LDLRAD4: variants seen among roughly 807,000 people sequenced by gnomAD.
LDLRAD4 encodes low density lipoprotein receptor class A domain containing 4.
LDLRAD4 carries 5 observed loss-of-function variants against 17.0 expected under a neutral mutation model. The ratio of observed to expected loss-of-function variants is 0.29; its 90% CI spans 0.15 to 0.62. LDLRAD4 has a LOEUF of 0.62. Among genes scored for constraint, LDLRAD4 ranks in the 20% least tolerant of loss-of-function variants. LDLRAD4 has a pLI of 0.84. For missense variants in LDLRAD4, 340 were observed against 424.7 expected (o/e 0.80, Z 1.75); for synonymous variants, 168 against 171.8 (o/e 0.98, Z 0.17).
At chr18:13,312,896 T>TA (rs762683274) in intron 1 of LDLRAD4, among the ~76,000 whole-genome samples, 2 of 152,180 alleles carry the variant, frequency 1.3e-5, no homozygotes, top group Non-Finnish European at 2.9e-5. Context: ...TCAGTTGCAT[T>TA]ATATGTTCTC....
At chr18:13,345,369 T>C (rs1421697463) in intron 1 of LDLRAD4, among the ~76,000 whole-genome samples, 1 of 152,220 alleles carries the variant, frequency 6.6e-6, no homozygotes, top group Non-Finnish European at 1.5e-5. Flanking sequence ...GTTCTGTTTA[T>C]ATGCTGGATT....
At chr18:13,503,281 C>G (rs1256444083) in intron 3 of LDLRAD4, among the ~76,000 whole-genome samples, 1 of 152,212 alleles carries the variant, frequency 6.6e-6, no homozygotes, top group Non-Finnish European at 1.5e-5. Context: ...GCAGCACTTT[C>G]TGCTTCAGCA....
At chr18:13,372,969 C>G (rs1248499207) in intron 1 of LDLRAD4, among the ~76,000 whole-genome samples, 3 of 152,236 alleles carry the variant, frequency 2.0e-5, no homozygotes, top group Non-Finnish European at 4.4e-5. Flanking sequence ...CATGTAAACT[C>G]AAAGTAAACA....
At chr18:13,570,093 T>G (rs1424019474) in intron 3 of LDLRAD4, among the ~76,000 whole-genome samples, 1 of 152,150 alleles carries the variant, frequency 6.6e-6, no homozygotes, top group East Asian at 1.9e-4. Flanking sequence ...ACAAAATCAT[T>G]AGGCCTTTGA....
At chr18:13,517,964 G>C (rs2147598595) in intron 3 of LDLRAD4, among the ~76,000 whole-genome samples, 1 of 152,302 alleles carries the variant, frequency 6.6e-6, no homozygotes, top group Non-Finnish European at 1.5e-5. Context: ...TCGATCTCCT[G>C]ACCTTGTGAT....
At chr18:13,576,446 A>G (rs1204808659) in intron 3 of LDLRAD4, among the ~76,000 whole-genome samples, 1 of 149,296 alleles carries the variant, frequency 6.7e-6, no homozygotes, top group East Asian at 1.9e-4. Flanking sequence ...AAAAAGAAAG[A>G]AAGAAAGAAA....
chr18:13,460,333 C>T (rs2092369270), intron 3 of LDLRAD4, among the ~76,000 whole-genome samples: 1 of 152,126 alleles, frequency 6.6e-6, no homozygotes, highest in Admixed American at 6.5e-5. Flanking sequence ...GCTGGAACTA[C>T]AGGCACACGC....
Position 13,645,039 on chromosome 18 carries a change from C to T in LDLRAD4, c.391-88C>T. ...TGGTGTTCAAACTGGTAGGAACACA[C>T]ACCAAGCGTAACTTTCCTTGATTCT... On this transcript the variant is annotated intron_variant, in intron 5 of 5. Coordinates refer to ENST00000359446, the Ensembl canonical transcript of LDLRAD4. This position sits in a 1 kb window ranked among gnomAD's most constrained non-coding sequence, Gnocchi z 5.7. 1.8e-6 allele frequency: 2 copies of T among 1,098,358 alleles called. No homozygotes were observed. The highest frequency in any genetic ancestry group is 2.4e-5 in the East Asian group (1 of 41,992). 68.0% of individuals were successfully genotyped at this position (1,098,358 alleles called of 1,614,324 possible).
intron 3 of LDLRAD4, among the ~76,000 whole-genome samples, chr18:13,545,373 C>T (rs1322641252): frequency 1.3e-5 from 2 of 152,206 alleles, no homozygotes; most frequent in Non-Finnish European, 2.9e-5. Flanking sequence ...ATCAACGAAT[C>T]CTTTTGGCAA....
chr18:13,594,190 C>T (rs895828663), intron 3 of LDLRAD4, among the ~76,000 whole-genome samples: 1 of 152,098 alleles, frequency 6.6e-6, no homozygotes, highest in African/African-American at 2.4e-5. Context: ...AGAGGTAGAG[C>T]AGGTGTGTGC....
upstream of LDLRAD4, among the ~76,000 whole-genome samples, chr18:13,274,474 C>T (rs957511884): frequency 6.6e-6 from 1 of 152,206 alleles, no homozygotes; most frequent in Non-Finnish European, 1.5e-5. Context: ...CAGTTCTCTG[C>T]CTCGTGTCAT....
At chr18:13,571,086 C>A (rs545529872) in intron 3 of LDLRAD4, among the ~76,000 whole-genome samples, 8 of 152,314 alleles carry the variant, frequency 5.3e-5, no homozygotes, top group African/African-American at 1.4e-4. Flanking sequence ...TCCTGAAGTG[C>A]TGGGATTACA....
intron 3 of LDLRAD4, among the ~76,000 whole-genome samples, chr18:13,498,997 T>A (rs900625969): frequency 6.0e-5 from 8 of 132,912 alleles, no homozygotes; most frequent in African/African-American, 2.3e-4. Flanking sequence ...TCCACACACG[T>A]CCCGCCGTGG....
chr18:13,550,284 A>G (rs919255205), intron 3 of LDLRAD4, among the ~76,000 whole-genome samples: 1 of 152,216 alleles, frequency 6.6e-6, no homozygotes, highest in Admixed American at 6.5e-5. Flanking sequence ...ACAGACACAC[A>G]CTTCACATGT....
At chr18:13,344,581 C>A (rs1384112063) in intron 1 of LDLRAD4, among the ~76,000 whole-genome samples, 1 of 152,144 alleles carries the variant, frequency 6.6e-6, no homozygotes, top group African/African-American at 2.4e-5. Context: ...TTTTTAGTTC[C>A]ATGTGAACTT....
At chr18:13,353,591 C>T (rs545208357) in intron 1 of LDLRAD4, among the ~76,000 whole-genome samples, 5 of 152,318 alleles carry the variant, frequency 3.3e-5, no homozygotes, top group Non-Finnish European at 4.4e-5. Flanking sequence ...GCCTGAGAGG[C>T]AAGCTGTGGT....
Position 13,300,046 on chromosome 18 carries a change from A to G in LDLRAD4, c.-383+21858A>G, listed in dbSNP as rs151236234. ...TGGCTCAGTTGCTGGCTTTGTGTGA[A>G]CACAGAGACAATGTGTTTGATTTGG... On this transcript the variant is annotated intron_variant, in intron 1 of 5. Coordinates refer to ENST00000359446, the Ensembl canonical transcript of LDLRAD4. The surrounding 1 kb of genome is among the most constrained non-coding windows in gnomAD (Gnocchi z 4.2). Among the ~76,000 whole-genome samples the G allele has an allele frequency of 5.5e-4, 84 of 152,266 alleles. 3 individuals carry two copies. In the East Asian group the frequency reaches 0.016, roughly 29 times the overall value.
chr18:13,276,166 G>A (rs543239015), upstream of LDLRAD4, among the ~76,000 whole-genome samples: 4 of 152,098 alleles, frequency 2.6e-5, no homozygotes, highest in African/African-American at 9.6e-5. Context: ...GCACCACCAC[G>A]CTCAGCTAAT....
chr18:13,413,727 C>T (rs1049795301), intron 2 of LDLRAD4, among the ~76,000 whole-genome samples: 8 of 152,072 alleles, frequency 5.3e-5, no homozygotes, highest in South Asian at 2.1e-4. Context: ...GATTTGCATT[C>T]TTTAGTAAGT....
Sources: gnomAD v4.1 joint callset for allele counts (sites outside exome capture counted in the v4.1 genomes callset) on GRCh38, gnomAD v4.1.1 for gene constraint, Gnocchi (gnomAD v3.1) non-coding constraint, MANE v1.5 for transcripts, NCBI Gene and HGNC (gene_info 2026-07-23, HGNC 2026-07-21) for gene names.